Variants in TBC1D22A observed in about 807,000 individuals in gnomAD.
The protein encoded by TBC1D22A is TBC1 domain family member 22A.
Under a neutral mutation model 60.2 loss-of-function variants are expected in TBC1D22A, and 38 were observed. That is an observed-to-expected ratio of 0.63 (90% confidence interval 0.49 to 0.83). TBC1D22A has a LOEUF of 0.83. Ranked by LOEUF, TBC1D22A falls within the 40% of genes least tolerant of loss-of-function variation. TBC1D22A has a pLI of 0.00. For missense variants in TBC1D22A, 628 were observed against 701.0 expected (o/e 0.90, Z 1.18); for synonymous variants, 302 against 281.7 (o/e 1.07, Z -0.72).
rs989289485 is a variant in TBC1D22A at position 47,004,447 on chromosome 22, A to G, written c.1201+6738A>G. On this transcript the variant is annotated intron_variant, in intron 10 of 12. Coordinates refer to ENST00000337137, the MANE Select transcript of TBC1D22A (RefSeq NM_014346.5). The stretch of plus-strand genomic sequence containing the variant: ...CACACCCAGCCCTACACATACCCCT[A>G]TATACACACTCCTGCCATATACACA... 9.4e-5 allele frequency among the ~76,000 whole-genome samples: 14 copies of G among 148,476 alleles called. No individual in the cohort carries two copies. In the South Asian group the frequency reaches 1.3e-3, roughly 14 times the overall value.
At chr22:47,171,938 A>G (rs950755788) in intron 12 of TBC1D22A, among the ~76,000 whole-genome samples, 1 of 152,082 alleles carries the variant, frequency 6.6e-6, no homozygotes, top group Admixed American at 6.5e-5. Context: ...GCCCAGCTGC[A>G]GGCCAGAGGA....
rs1452126945 is a variant in TBC1D22A, at chr22:46,777,392, A to G, written c.62+14544A>G. Among the ~76,000 whole-genome samples, 1 of 152,034 alleles carries G rather than the reference A, an allele frequency of 6.6e-6. No individual in the cohort carries two copies. Among genetic ancestry groups the G allele is most frequent in the East Asian group, 1.9e-4 (1 of 5,178 alleles). On this transcript the variant is annotated intron_variant, in intron 1 of 12. Coordinates refer to ENST00000337137, the MANE Select transcript of TBC1D22A (RefSeq NM_014346.5). This position sits in a 1 kb window ranked among gnomAD's most constrained non-coding sequence, Gnocchi z 4.5. ...GGGTGGGGACCGAAGAGTGGGTGTG[A>G]GGAGTGGCCGGTGGGGCACAGCTGA...
intron 8 of TBC1D22A, among the ~76,000 whole-genome samples, chr22:46,935,471 A>G (rs1396584375): frequency 6.6e-6 from 1 of 152,252 alleles, no homozygotes; most frequent in Non-Finnish European, 1.5e-5. Flanking sequence ...CAAGGGCCGT[A>G]TGGGCAGTTT....
intron 10 of TBC1D22A, among the ~76,000 whole-genome samples, chr22:47,032,056 C>T (rs779719079): frequency 3.3e-5 from 5 of 152,326 alleles, no homozygotes; most frequent in East Asian, 1.9e-4. Context: ...TTCCCAGGCC[C>T]GTGGTAGAGT....
intron 8 of TBC1D22A, among the ~76,000 whole-genome samples, chr22:46,941,362 A>AGAATATATATACG (rs1418519894): frequency 3.4e-5 from 5 of 148,898 alleles, no homozygotes; most frequent in African/African-American, 1.2e-4. Context: ...ATATATATAC[A>AGAATATATATACG]GAATATATAT....
intron 4 of TBC1D22A, among the ~76,000 whole-genome samples, chr22:46,802,650 G>A (rs1300815539): frequency 2.0e-5 from 3 of 152,190 alleles, no homozygotes; most frequent in East Asian, 1.9e-4. Flanking sequence ...GTTTTGAACC[G>A]GGGGAGTAAA....
chr22:46,878,379 T>A (rs1260739041), intron 4 of TBC1D22A, among the ~76,000 whole-genome samples: 2 of 6,622 alleles, frequency 3.0e-4, no homozygotes, highest in Non-Finnish European at 9.2e-4. Flanking sequence ...CTTCTCTGGT[T>A]GAAGGAGGAA....
intron 8 of TBC1D22A, among the ~76,000 whole-genome samples, chr22:46,938,835 C>T (rs2071817159): frequency 1.3e-5 from 2 of 152,096 alleles, no homozygotes; most frequent in African/African-American, 4.8e-5. Flanking sequence ...ATCCCCCTGC[C>T]TCAGCCTCCC....
chr22:46,878,510 A>T, intron 4 of TBC1D22A, 143 bp from the exon 5 acceptor site: 1 of 699,602 alleles, frequency 1.4e-6, no homozygotes, highest in Non-Finnish European at 2.6e-6. Flanking sequence ...AATCAATCGT[A>T]TCTGAAATGT....
At chr22:47,157,344 C>T (rs1312206361) in intron 12 of TBC1D22A, among the ~76,000 whole-genome samples, 1 of 152,186 alleles carries the variant, frequency 6.6e-6, no homozygotes, top group Non-Finnish European at 1.5e-5. Context: ...TTTTGGTGTT[C>T]GTGATTCAAG....
chr22:46,960,815 C>T (rs1278506316), intron 8 of TBC1D22A, among the ~76,000 whole-genome samples: 5 of 151,768 alleles, frequency 3.3e-5, no homozygotes, highest in Admixed American at 2.0e-4. Flanking sequence ...GGCGTGGTGG[C>T]GGGTGCCTGT....
intron 11 of TBC1D22A, among the ~76,000 whole-genome samples, chr22:47,095,761 A>G (rs2065147470): frequency 6.6e-6 from 1 of 152,234 alleles, no homozygotes; most frequent in African/African-American, 2.4e-5. Context: ...TCCTGCAGGG[A>G]GACCCTTGAG....
chr22:47,167,843 G>A (rs571433169), intron 12 of TBC1D22A, among the ~76,000 whole-genome samples: 13 of 152,296 alleles, frequency 8.5e-5, no homozygotes, highest in African/African-American at 2.9e-4. Flanking sequence ...CACTCCGGTC[G>A]TGGACTCTAT....
chr22:46,847,946 TGTGTGTGTGCGC>T (rs146524849), intron 4 of TBC1D22A, among the ~76,000 whole-genome samples: 6,181 of 130,402 alleles, frequency 0.047, 432 homozygotes, highest in African/African-American at 0.16. Context: ...TGTGTGTGTG[TGTGTGTGTGCGC>T]GCGCGCACGC....
intron 9 of TBC1D22A, among the ~76,000 whole-genome samples, chr22:46,991,374 T>G (rs937238742): frequency 1.3e-5 from 2 of 152,150 alleles, no homozygotes; most frequent in Non-Finnish European, 2.9e-5. Context: ...GCCTCTCAGC[T>G]GGGAGGGATA....
chr22:46,965,466 T>G (rs2073755815), intron 8 of TBC1D22A, among the ~76,000 whole-genome samples: 1 of 152,202 alleles, frequency 6.6e-6, no homozygotes, highest in Non-Finnish European at 1.5e-5. Flanking sequence ...CAGAGCTCTG[T>G]GGGTTTTAAA....
intron 9 of TBC1D22A, among the ~76,000 whole-genome samples, chr22:46,988,322 A>G (rs542703338): frequency 2.6e-5 from 4 of 152,230 alleles, no homozygotes; most frequent in Non-Finnish European, 5.9e-5. Context: ...ACCTCTTCCC[A>G]TGAATCACAA....
At chr22:46,959,783 C>G (rs2073398453) in intron 8 of TBC1D22A, among the ~76,000 whole-genome samples, 1 of 152,200 alleles carries the variant, frequency 6.6e-6, no homozygotes, top group Admixed American at 6.5e-5. Context: ...TTTCCTATGA[C>G]TTACTGTCAG....
At position 46,797,588 on chromosome 22, in the gene TBC1D22A, A is replaced by T; in HGVS notation, c.605A>T (p.Lys202Met). 1.9e-6 allele frequency: 3 copies of T among 1,610,904 alleles called. No homozygotes were observed. Among genetic ancestry groups the T allele is most frequent in the Non-Finnish European group, 2.5e-6 (3 of 1,177,540 alleles). Residue 202 changes from lysine (K) to methionine (M), a missense_variant, in exon 4 of 13, where the codon AAG becomes ATG. By Grantham distance (95) the Lys-to-Met change is moderately conservative. Coordinates refer to ENST00000337137, the MANE Select transcript of TBC1D22A (RefSeq NM_014346.5). ...GAGGCCTCCCGGCTCGACAAGTTCA[A>T]GCAGCTGCTTGCCGGCCCCAACACG... ...EREASRLDKF[K>M]QLLAGPNTDL...
Sources: allele counts gnomAD v4.1 joint callset (sites outside exome capture counted in the v4.1 genomes callset), GRCh38; gene constraint gnomAD v4.1.1; non-coding constraint Gnocchi (gnomAD v3.1); transcripts MANE v1.5; gene names NCBI Gene and HGNC (gene_info 2026-07-23, HGNC 2026-07-21).